The following KCND2 variants were observed in gnomAD, a reference collection of about 807,000 sequenced individuals.
KCND2 encodes A-type voltage-gated potassium channel KCND2.
A neutral mutation model predicts 54.4 loss-of-function variants in KCND2; 16 were observed. The observed-to-expected ratio is 0.29, with a 90% CI of 0.20 to 0.45. KCND2 has a LOEUF of 0.45. Among genes scored for constraint, KCND2 ranks in the 20% least tolerant of loss-of-function variants. The pLI is 1.00. For missense variants in KCND2, 486 were observed against 824.2 expected, an observed-to-expected ratio of 0.59 and a Z score of 5.02; for synonymous variants, 317 against 310.7, an observed-to-expected ratio of 1.02 and a Z score of -0.21.
At chr7:120,725,835 A>T (rs1792727154) in intron 1 of KCND2, among the ~76,000 whole-genome samples, 1 of 152,156 alleles carries the variant, frequency 6.6e-6, no homozygotes, top group Non-Finnish European at 1.5e-5. Flanking sequence ...CTGTGAAAAC[A>T]CTTTTCATGA....
At chr7:120,312,419 G>A (rs1799749066) in intron 1 of KCND2, among the ~76,000 whole-genome samples, 1 of 151,782 alleles carries the variant, frequency 6.6e-6, no homozygotes, top group African/African-American at 2.4e-5. Context: ...GCGATTGCTG[G>A]GTCAAACGAT....
At chr7:120,360,143 T>C (rs1245119077) in intron 1 of KCND2, among the ~76,000 whole-genome samples, 2 of 152,110 alleles carry the variant, frequency 1.3e-5, no homozygotes, top group African/African-American at 4.8e-5. Context: ...GTTAGGCTGC[T>C]AAGAATAATG....
At chr7:120,354,163 A>G (rs185655032) in intron 1 of KCND2, among the ~76,000 whole-genome samples, 210 of 152,292 alleles carry the variant, frequency 1.4e-3, no homozygotes, top group Middle Eastern at 3.4e-3. Context: ...AACAACTGAC[A>G]TGTCAACTAT....
chr7:120,491,259 A>G (rs561131670), intron 1 of KCND2, among the ~76,000 whole-genome samples: 3 of 152,144 alleles, frequency 2.0e-5, no homozygotes, highest in Non-Finnish European at 4.4e-5. Flanking sequence ...TTGCTGGGTA[A>G]GTCCATATTC....
At chr7:120,633,450 G>A (rs1793263706) in intron 1 of KCND2, among the ~76,000 whole-genome samples, 1 of 152,106 alleles carries the variant, frequency 6.6e-6, no homozygotes, top group Non-Finnish European at 1.5e-5. Flanking sequence ...GGATGGCCAA[G>A]AAAAAGCAAT....
At chr7:120,680,964 T>C (rs1290763786) in intron 1 of KCND2, among the ~76,000 whole-genome samples, 2 of 152,148 alleles carry the variant, frequency 1.3e-5, no homozygotes, top group Non-Finnish European at 2.9e-5. Context: ...GCTAACATAA[T>C]ACTTACATGT....
chr7:120,295,383 CACACACACAG>C (rs1347127932), intron 1 of KCND2, among the ~76,000 whole-genome samples: 31 of 137,830 alleles, frequency 2.2e-4, no homozygotes, highest in Middle Eastern at 3.7e-3. Flanking sequence ...CACACACACA[CACACACACAG>C]ACACACACAC....
chr7:120,365,074 A>G (rs1408396757), intron 1 of KCND2, among the ~76,000 whole-genome samples: 2 of 151,962 alleles, frequency 1.3e-5, no homozygotes, highest in Non-Finnish European at 2.9e-5. Context: ...GATGGTGAGT[A>G]TGTGAGAAAG....
At chr7:120,381,533 A>G (rs1375650647) in intron 1 of KCND2, among the ~76,000 whole-genome samples, 1 of 152,094 alleles carries the variant, frequency 6.6e-6, no homozygotes, top group Non-Finnish European at 1.5e-5. Flanking sequence ...AATTTGATAT[A>G]ATGTGAGGAA....
intron 1 of KCND2, among the ~76,000 whole-genome samples, chr7:120,456,601 A>T (rs1322642894): frequency 6.6e-6 from 1 of 152,242 alleles, no homozygotes; most frequent in African/African-American, 2.4e-5. Flanking sequence ...TACAAATTTG[A>T]AATCATATGC....
At chr7:120,312,262 A>G (rs1799745889) in intron 1 of KCND2, among the ~76,000 whole-genome samples, 1 of 151,984 alleles carries the variant, frequency 6.6e-6, no homozygotes, top group African/African-American at 2.4e-5. Context: ...TATGCACCAC[A>G]TTCTCTTTAT....
chr7:120,435,129 T>G (rs1228361226), intron 1 of KCND2, among the ~76,000 whole-genome samples: 3 of 151,210 alleles, frequency 2.0e-5, no homozygotes, highest in Non-Finnish European at 4.4e-5. Context: ...ATTGAGACAG[T>G]CTCATTCTGC....
At chr7:120,464,406 G>T (rs1006297269) in intron 1 of KCND2, among the ~76,000 whole-genome samples, 1 of 152,152 alleles carries the variant, frequency 6.6e-6, no homozygotes, top group African/African-American at 2.4e-5. Context: ...ATATGTAGAA[G>T]TCGTAATAGC....
intron 1 of KCND2, among the ~76,000 whole-genome samples, chr7:120,435,735 A>ATG (rs1239516187): frequency 6.7e-6 from 1 of 150,172 alleles, no homozygotes; most frequent in African/African-American, 2.4e-5. Context: ...ACCAGTGGAT[A>ATG]TATATATATA....
At chr7:120,692,994 C>G (rs999223514) in intron 1 of KCND2, among the ~76,000 whole-genome samples, 3 of 152,038 alleles carry the variant, frequency 2.0e-5, no homozygotes, top group Admixed American at 2.0e-4. Flanking sequence ...GTAAACCTAC[C>G]AAATCCTACT....
At chr7:120,676,366 T>C (rs1792060642) in intron 1 of KCND2, among the ~76,000 whole-genome samples, 1 of 152,188 alleles carries the variant, frequency 6.6e-6, no homozygotes, top group Non-Finnish European at 1.5e-5. Context: ...GATTTTACCA[T>C]GTTTAGTTGC....
intron 1 of KCND2, among the ~76,000 whole-genome samples, chr7:120,666,734 A>G (rs539349040): frequency 1.3e-5 from 2 of 152,080 alleles, no homozygotes; most frequent in South Asian, 4.1e-4. Flanking sequence ...AGGCTCCTCC[A>G]CTGAACAACA....
chr7:120,408,860 C>T (rs983437401), intron 1 of KCND2, among the ~76,000 whole-genome samples: 9 of 151,788 alleles, frequency 5.9e-5, no homozygotes, highest in African/African-American at 2.2e-4. Flanking sequence ...CTACCAAACA[C>T]GGTGACTTGA....
chr7:120,343,040 T>C (rs1423298606), intron 1 of KCND2, among the ~76,000 whole-genome samples: 1 of 152,174 alleles, frequency 6.6e-6, no homozygotes, highest in East Asian at 1.9e-4. Context: ...CTTTTCATCC[T>C]TGTTGAATCC....
Sources: gnomAD v4.1 joint callset for allele counts (sites outside exome capture counted in the v4.1 genomes callset) on GRCh38, gnomAD v4.1.1 for gene constraint, MANE v1.5 for transcripts, NCBI Gene and HGNC (gene_info 2026-07-23, HGNC 2026-07-21) for gene names.